The following RNF220 variants were observed in gnomAD, a reference collection of about 807,000 sequenced individuals.
RNF220 encodes ring finger protein 220.
A neutral mutation model predicts 67.1 loss-of-function variants in RNF220; 7 were observed. The ratio of observed to expected loss-of-function variants is 0.10; its 90% CI spans 0.06 to 0.20. The LOEUF (loss-of-function observed/expected upper bound fraction) is 0.20. Ranked by LOEUF, RNF220 falls within the 10% of genes least tolerant of loss-of-function variation. The pLI is 1.00. For synonymous variants in RNF220, 270 were observed against 283.2 expected, an observed-to-expected ratio of 0.95 and a Z score of 0.47; for missense variants, 565 against 740.3, an observed-to-expected ratio of 0.76 and a Z score of 2.75.
At chr1:44,593,068 C>T (rs1666229841) in intron 2 of RNF220, among the ~76,000 whole-genome samples, 1 of 152,212 alleles carries the variant, frequency 6.6e-6, no homozygotes, top group Non-Finnish European at 1.5e-5. Context: ...AGAAGCCCAG[C>T]AGGCAGACAC....
chr1:44,645,394 C>T lies in RNF220; in HGVS notation c.1367-16C>T. 3 of 1,613,988 alleles carry T rather than the reference C, an allele frequency of 1.9e-6. No individual in the cohort carries two copies. The highest frequency in any genetic ancestry group is 2.5e-6 in the Non-Finnish European group (3 of 1,179,966). ...CCAGTCTGGCCGGAGTGTGAGTTGC[C>T]CCTCTGTCCCAGCAGAGATGCCATC... is the stretch of plus-strand genomic sequence containing the variant. On this transcript the variant is annotated splice_polypyrimidine_tract_variant and intron_variant, in intron 11 of 14. Transcript: ENST00000361799. This position sits in a 1 kb window ranked among gnomAD's most constrained non-coding sequence, Gnocchi z 5.0.
At chr1:44,638,667 A>G (rs1339027908) in intron 8 of RNF220, among the ~76,000 whole-genome samples, 1 of 152,094 alleles carries the variant, frequency 6.6e-6, no homozygotes, top group African/African-American at 2.4e-5. Context: ...AACGGGCAAG[A>G]GTTTCGGTGG....
Position 44,593,654 on chromosome 1 carries a change from C to T in RNF220, c.626-20511C>T, listed in dbSNP as rs150810993. ...AGATGATCATCTGAGCTCAAGAGTT[C>T]GAGGGTTCAGTGAGCTAGGATCGCC... On this transcript the variant is annotated intron_variant, in intron 2 of 14. Coordinates refer to ENST00000361799, the MANE Select transcript of RNF220 (RefSeq NM_018150.4). Among the ~76,000 whole-genome samples the T allele has an allele frequency of 1.4e-3, 212 of 152,112 alleles. 4 individuals carry two copies. In the East Asian group the frequency reaches 0.029, roughly 21 times the overall value.
At chr1:44,558,604 A>C (rs899303785) in intron 2 of RNF220, among the ~76,000 whole-genome samples, 14 of 152,220 alleles carry the variant, frequency 9.2e-5, no homozygotes, top group African/African-American at 2.4e-5. Context: ...CAGCCCTGCA[A>C]GGTGAGTATT....
At chr1:44,407,230 T>A (rs1367028425) in intron 1 of RNF220, among the ~76,000 whole-genome samples, 2 of 151,930 alleles carry the variant, frequency 1.3e-5, no homozygotes, top group Non-Finnish European at 2.9e-5. Context: ...AGCAGCCACA[T>A]CTTGCCTCTC....
chr1:44,563,507 C>G (rs544550282), intron 2 of RNF220, among the ~76,000 whole-genome samples: 1 of 152,184 alleles, frequency 6.6e-6, no homozygotes, highest in Admixed American at 6.5e-5. Flanking sequence ...CATTTGCCGC[C>G]GTGGACTCCT....
chr1:44,450,984 C>T (rs1652612462), intron 2 of RNF220, among the ~76,000 whole-genome samples: 1 of 152,030 alleles, frequency 6.6e-6, no homozygotes, highest in Non-Finnish European at 1.5e-5. Flanking sequence ...GAGATCCAGA[C>T]CATCCTGGCT....
At chr1:44,532,996 C>T (rs966965385) in intron 2 of RNF220, among the ~76,000 whole-genome samples, 4 of 152,118 alleles carry the variant, frequency 2.6e-5, no homozygotes, top group African/African-American at 9.7e-5. Flanking sequence ...CTGGTCAGTC[C>T]CTGCTTGCAC....
chr1:44,534,583 G>A (rs763351279), intron 2 of RNF220, among the ~76,000 whole-genome samples: 48 of 152,302 alleles, frequency 3.2e-4, no homozygotes, highest in Middle Eastern at 6.8e-3. Flanking sequence ...AATCTGGTTT[G>A]GAGATGTTAA....
chr1:44,527,925 C>CAAAAAAAAAAAAAA lies in RNF220; in HGVS notation c.626-86227_626-86214dup, dbSNP rs56409207. 6.4e-4 allele frequency among the ~76,000 whole-genome samples: 36 copies of CAAAAAAAAAAAAAA among 56,184 alleles called. 10 individuals are homozygous for CAAAAAAAAAAAAAA. Among genetic ancestry groups the CAAAAAAAAAAAAAA allele is most frequent in the African/African-American group, 1.0e-3 (10 of 9,848 alleles). 36.9% of individuals were successfully genotyped at this position (56,184 alleles called of 152,430 possible). On this transcript the variant is annotated intron_variant, in intron 2 of 14. Transcript: ENST00000361799. Reference sequence around the variant, plus strand: ...TGGGTGACAGAGCAAGACTCCATCCCAAAAAAAAAAAAAAAAAAAAAAAAA... The same window carrying CAAAAAAAAAAAAAA: ...TGGGTGACAGAGCAAGACTCCATCCCAAAAAAAAAAAAAAAAAAAAAAAAAAAAAAAAAAAAAAA...
chr1:44,559,968 C>T (rs548129179), intron 2 of RNF220, among the ~76,000 whole-genome samples: 1 of 151,864 alleles, frequency 6.6e-6, no homozygotes, highest in African/African-American at 2.4e-5. Flanking sequence ...TTGCCAAGGG[C>T]CCCCCTCAGC....
chr1:44,468,383 G>A (rs563869247), intron 2 of RNF220, among the ~76,000 whole-genome samples: 2 of 152,198 alleles, frequency 1.3e-5, no homozygotes, highest in South Asian at 2.1e-4. Context: ...ATCTTGTGTC[G>A]TAAGTGAAAA....
chr1:44,533,546 G>A (rs920455761), intron 2 of RNF220, among the ~76,000 whole-genome samples: 2 of 152,182 alleles, frequency 1.3e-5, no homozygotes, highest in Non-Finnish European at 2.9e-5. Flanking sequence ...CCAAACTATG[G>A]AATAGATAGA....
intron 5 of RNF220, chr1:44,631,982 C>A (rs1400838734): frequency 1.7e-5 from 17 of 986,526 alleles, no homozygotes; most frequent in Non-Finnish European, 1.8e-5. Flanking sequence ...CCAACATGGC[C>A]GCCGCCGCCG....
intron 2 of RNF220, among the ~76,000 whole-genome samples, chr1:44,584,994 C>A (rs541081368): frequency 3.2e-4 from 48 of 152,324 alleles, no homozygotes; most frequent in Middle Eastern, 3.4e-3. Flanking sequence ...CCACCACGCC[C>A]AGCCCAGAAG....
intron 2 of RNF220, among the ~76,000 whole-genome samples, chr1:44,506,491 G>T (rs1027003683): frequency 6.6e-6 from 1 of 152,258 alleles, no homozygotes; most frequent in Non-Finnish European, 1.5e-5. Context: ...CTCCACTCGG[G>T]GCAGCCTTTT....
chr1:44,502,882 C>T (rs926630016), intron 2 of RNF220, among the ~76,000 whole-genome samples: 7 of 152,156 alleles, frequency 4.6e-5, no homozygotes, highest in African/African-American at 1.7e-4. Context: ...CCTCCTGCTT[C>T]AGCCTCTCCA....
At chr1:44,454,931 C>T (rs895692619) in intron 2 of RNF220, among the ~76,000 whole-genome samples, 17 of 152,090 alleles carry the variant, frequency 1.1e-4, no homozygotes, top group African/African-American at 2.9e-4. Flanking sequence ...TTTGTTTATG[C>T]GTTCACCAGT....
chr1:44,476,808 G>A (rs1380103867), intron 2 of RNF220, among the ~76,000 whole-genome samples: 2 of 152,164 alleles, frequency 1.3e-5, no homozygotes, highest in African/African-American at 4.8e-5. Context: ...GAGCGTGCTT[G>A]TGTTTTCAGG....
Sources: allele counts gnomAD v4.1 joint callset (sites outside exome capture counted in the v4.1 genomes callset), GRCh38; gene constraint gnomAD v4.1.1; non-coding constraint Gnocchi (gnomAD v3.1); transcripts MANE v1.5; gene names NCBI Gene and HGNC (gene_info 2026-07-23, HGNC 2026-07-21).